Variants in PARVB observed in about 807,000 individuals in gnomAD.
PARVB encodes the protein beta-parvin.
In PARVB, 46 loss-of-function variants were observed where a neutral mutation model predicts 47.0. The ratio of observed to expected loss-of-function variants is 0.98; its 90% CI spans 0.77 to 1.25. The LOEUF (loss-of-function observed/expected upper bound fraction) is 1.25. Among genes scored for constraint, PARVB ranks in the 50% most tolerant of loss-of-function variants. PARVB has a pLI of 0.00. For synonymous variants in PARVB, 196 were observed against 196.3 expected (o/e 1.00, Z 0.01); for missense variants, 473 against 471.6 (o/e 1.00, Z -0.03).
At chr22:44,127,240 A>C (rs886410608) in intron 4 of PARVB, among the ~76,000 whole-genome samples, 2 of 137,002 alleles carry the variant, frequency 1.5e-5, no homozygotes, top group African/African-American at 5.2e-5. Context: ...GTGGTTTGAC[A>C]TATTAAAACC....
intron 2 of PARVB, among the ~76,000 whole-genome samples, chr22:44,095,585 C>T (rs62226436): frequency 0.021 from 3,203 of 152,296 alleles, 51 homozygotes; most frequent in Middle Eastern, 0.061. Context: ...GAGCTGCCCG[C>T]GGCCTGGGCT....
chr22:44,117,904 T>C (rs2052947286), intron 3 of PARVB, among the ~76,000 whole-genome samples: 1 of 152,208 alleles, frequency 6.6e-6, no homozygotes, highest in African/African-American at 2.4e-5. Context: ...TTTTGTGGAA[T>C]AGACATGTCA....
At chr22:44,051,302 C>A (rs890099976) in intron 1 of PARVB, among the ~76,000 whole-genome samples, 1 of 152,198 alleles carries the variant, frequency 6.6e-6, no homozygotes, top group African/African-American at 2.4e-5. Flanking sequence ...GCTGTTGTGT[C>A]ACCCCGTCTG....
At chr22:44,008,725 C>T (rs555502917) in intron 2 of PARVB, among the ~76,000 whole-genome samples, 1 of 152,166 alleles carries the variant, frequency 6.6e-6, no homozygotes, top group East Asian at 1.9e-4. Flanking sequence ...GTGGCTTATG[C>T]CTGTAATCCC....
At chr22:44,004,395 T>G (rs573872598) in intron 2 of PARVB, among the ~76,000 whole-genome samples, 2 of 152,202 alleles carry the variant, frequency 1.3e-5, no homozygotes, top group East Asian at 3.9e-4. Context: ...CTGCAAAGTG[T>G]GACCCCCCCC....
At chr22:44,157,613 T>G (rs1430685067) in intron 10 of PARVB, among the ~76,000 whole-genome samples, 1 of 152,122 alleles carries the variant, frequency 6.6e-6, no homozygotes, top group East Asian at 1.9e-4. Flanking sequence ...GTACAGTGGC[T>G]CCCACCCGTA....
At chr22:44,004,398 C>T (rs542758861) in intron 2 of PARVB, among the ~76,000 whole-genome samples, 1 of 150,136 alleles carries the variant, frequency 6.7e-6, no homozygotes, top group African/African-American at 2.5e-5. Flanking sequence ...CAAAGTGTGA[C>T]CCCCCCCTTA....
chr22:44,058,309 G>T (rs888063237), intron 1 of PARVB, among the ~76,000 whole-genome samples: 7 of 152,030 alleles, frequency 4.6e-5, no homozygotes, highest in Admixed American at 3.9e-4. Flanking sequence ...GGCATATCTT[G>T]ATTTGTGGCC....
chr22:44,100,009 C>A, intron 2 of PARVB, 44 bp from the exon 3 acceptor site: 1 of 1,534,686 alleles, frequency 6.5e-7, no homozygotes, highest in Non-Finnish European at 9.0e-7. Context: ...GTGTCCCTGC[C>A]ACCCCCACAA....
At chr22:44,096,593 C>T (rs1331055485) in intron 2 of PARVB, among the ~76,000 whole-genome samples, 1 of 152,144 alleles carries the variant, frequency 6.6e-6, no homozygotes, top group African/African-American at 2.4e-5. Context: ...TCATTATCCC[C>T]ATTGTACAGA....
At chr22:44,040,278 T>C (rs188081509) in intron 1 of PARVB, among the ~76,000 whole-genome samples, 2 of 149,920 alleles carry the variant, frequency 1.3e-5, no homozygotes, top group East Asian at 1.9e-4. Flanking sequence ...AAAGTACTGA[T>C]GTCTGCAACT....
chr22:44,164,416 C>CCCT (rs1555913764), intron 12 of PARVB, among the ~76,000 whole-genome samples: 5 of 127,874 alleles, frequency 3.9e-5, no homozygotes, highest in East Asian at 4.0e-4. Flanking sequence ...CTGTCCCCCC[C>CCCT]CCGGCTCCTG....
In PARVB at chr22:44,170,966, G is replaced by T. The variant is rs923386099; in HGVS notation, c.*2288G>T. ...GTTCAGAATAGCCATTTTGATGGAG[G>T]TGATTTCCCAGCAGGGGAAAGAAAT... On this transcript the variant is annotated 3_prime_UTR_variant, in exon 13 of 13. Coordinates refer to ENST00000338758, the MANE Select transcript of PARVB (RefSeq NM_013327.5). 1 of 152,244 alleles carries T rather than the reference G, an allele frequency of 6.6e-6. No individual in the cohort carries two copies. The highest frequency in any genetic ancestry group is 1.5e-5 in the Non-Finnish European group (1 of 68,042). 9.4% of individuals were successfully genotyped at this position (152,244 alleles called of 1,614,324 possible). A position where few individuals can be genotyped will look rare whatever the true frequency, so the allele number is the denominator to read the frequency against.
At chr22:44,007,165 C>T (rs375656898) in intron 2 of PARVB, among the ~76,000 whole-genome samples, 10 of 151,878 alleles carry the variant, frequency 6.6e-5, no homozygotes, top group South Asian at 2.1e-4. Flanking sequence ...GCTGCGTTTG[C>T]GGGTACAGCG....
chr22:44,013,113 A>T (rs1464268023), intron 2 of PARVB, among the ~76,000 whole-genome samples: 1 of 151,970 alleles, frequency 6.6e-6, no homozygotes, highest in Non-Finnish European at 1.5e-5. Context: ...GGCCAGGCTG[A>T]TCTCAAACTC....
chr22:44,085,069 G>A (rs1444117612), intron 1 of PARVB, among the ~76,000 whole-genome samples: 1 of 152,024 alleles, frequency 6.6e-6, no homozygotes, highest in African/African-American at 2.4e-5. Context: ...TTCTTTTTCT[G>A]TGAATTTTGA....
In PARVB at chr22:44,039,799, C is replaced by T. The variant is rs1366277947; in HGVS notation, c.112+15348C>T. The T allele has an allele frequency of 4.6e-5, 21 of 452,040 alleles. No homozygotes were observed. The Admixed American group carries it at 5.0e-4, about 11-fold the overall frequency. 28.0% of individuals were successfully genotyped at this position (452,040 alleles called of 1,614,324 possible). A position where few individuals can be genotyped will look rare whatever the true frequency, so the allele number is the denominator to read the frequency against. On this transcript the variant is annotated intron_variant, in intron 1 of 12. Transcript: ENST00000338758. Reference sequence around the variant, plus strand: ...AACCAAGACAGACCAAAAGAGTACACACTGTGTGATTTCATTTCATTTCAT... The same window carrying T: ...AACCAAGACAGACCAAAAGAGTACATACTGTGTGATTTCATTTCATTTCAT...
At chr22:44,165,359 G>C (rs527736071) in intron 12 of PARVB, among the ~76,000 whole-genome samples, 1 of 152,304 alleles carries the variant, frequency 6.6e-6, no homozygotes, top group African/African-American at 2.4e-5. Flanking sequence ...CCGGTGCTGA[G>C]AATGGTGCCT....
chr22:44,106,686 A>T (rs1174417277), intron 3 of PARVB: 1 of 151,938 alleles, frequency 6.6e-6, no homozygotes, highest in Non-Finnish European at 1.5e-5. Flanking sequence ...TGTCATCTGC[A>T]CTTTTTTCCT....
Sources: allele counts gnomAD v4.1 joint callset (sites outside exome capture counted in the v4.1 genomes callset), GRCh38; gene constraint gnomAD v4.1.1; transcripts MANE v1.5; gene names NCBI Gene and HGNC (gene_info 2026-07-23, HGNC 2026-07-21).